The following HERC4 variants were observed in gnomAD, a reference collection of about 807,000 sequenced individuals.
The protein encoded by HERC4 is probable E3 ubiquitin-protein ligase HERC4.
In HERC4, 28 loss-of-function variants were observed where a neutral mutation model predicts 124.3. The ratio of observed to expected loss-of-function variants is 0.23; its 90% CI spans 0.17 to 0.31. The LOEUF (loss-of-function observed/expected upper bound fraction) is 0.31, where lower values mean the gene tolerates loss of function less well. Among genes scored for constraint, HERC4 ranks in the 10% least tolerant of loss-of-function variants. The pLI is 1.00. For missense variants in HERC4, 713 were observed against 1,229.3 expected (o/e 0.58, Z 6.28); for synonymous variants, 407 against 421.5 (o/e 0.97, Z 0.42).
At chr10:68,034,608 G>A (rs1158696750) in intron 5 of HERC4, among the ~76,000 whole-genome samples, 1 of 152,038 alleles carries the variant, frequency 6.6e-6, no homozygotes, top group Non-Finnish European at 1.5e-5. Flanking sequence ...AACCTCTCCT[G>A]AGCAAAAAAC....
intron 9 of HERC4, among the ~76,000 whole-genome samples, chr10:68,006,395 A>T (rs2037563452): frequency 7.0e-6 from 1 of 142,688 alleles, no homozygotes. Context: ...TTTTTTTGAG[A>T]CAGTTTCCTC....
chr10:67,927,393 TA>T (rs1564910238), intron 23 of HERC4, among the ~76,000 whole-genome samples: 403 of 5,834 alleles, frequency 0.069, 40 homozygotes, highest in Non-Finnish European at 0.027. Context: ...TATATATATA[TA>T]TATATATATA....
At chr10:68,053,622 T>C (rs1477440035) in intron 3 of HERC4, among the ~76,000 whole-genome samples, 1 of 151,976 alleles carries the variant, frequency 6.6e-6, no homozygotes. Context: ...AAATCACCAA[T>C]AAGATGGGCA....
At chr10:67,957,936 T>C (rs941830585) in intron 16 of HERC4, among the ~76,000 whole-genome samples, 3 of 152,208 alleles carry the variant, frequency 2.0e-5, no homozygotes, top group Admixed American at 6.5e-5. Context: ...GCCTCCCGAG[T>C]AGCTGGGATT....
chr10:67,961,657 G>A (rs1463346350), intron 16 of HERC4, among the ~76,000 whole-genome samples: 1 of 152,086 alleles, frequency 6.6e-6, no homozygotes, highest in Admixed American at 6.5e-5. Flanking sequence ...CAGAAGTGAG[G>A]GCAGTCTTGT....
chr10:68,024,585 T>C (rs1016282978), intron 8 of HERC4, among the ~76,000 whole-genome samples: 2 of 152,026 alleles, frequency 1.3e-5, no homozygotes, highest in African/African-American at 2.4e-5. Context: ...GAACCATAAC[T>C]ACATAAAAAT....
At chr10:67,985,743 C>T (rs2036224638) in intron 15 of HERC4, among the ~76,000 whole-genome samples, 1 of 152,206 alleles carries the variant, frequency 6.6e-6, no homozygotes, top group African/African-American at 2.4e-5. Context: ...CCATTCCTGA[C>T]AGCAGGTACC....
intron 19 of HERC4, among the ~76,000 whole-genome samples, chr10:67,942,406 G>A (rs954197606): frequency 2.0e-5 from 3 of 152,168 alleles, no homozygotes; most frequent in Non-Finnish European, 4.4e-5. Flanking sequence ...TCCATAGTTT[G>A]AAATATTTCC....
At chr10:67,961,957 A>G (rs1202404416) in intron 16 of HERC4, among the ~76,000 whole-genome samples, 4 of 152,032 alleles carry the variant, frequency 2.6e-5, no homozygotes, top group Non-Finnish European at 4.4e-5. Flanking sequence ...GTTCTGCAAA[A>G]AAACCTTTCA....
intron 3 of HERC4, among the ~76,000 whole-genome samples, chr10:68,055,594 A>G (rs1394148299): frequency 2.0e-5 from 3 of 152,192 alleles, no homozygotes; most frequent in African/African-American, 7.2e-5. Context: ...CACCATGAGG[A>G]AGTTATCCTT....
chr10:68,038,720 A>G (rs956552501), intron 4 of HERC4, among the ~76,000 whole-genome samples: 5 of 152,092 alleles, frequency 3.3e-5, no homozygotes, highest in African/African-American at 1.2e-4. Flanking sequence ...GGGACATTCA[A>G]TTTTTTTACT....
intron 3 of HERC4, among the ~76,000 whole-genome samples, chr10:68,051,057 G>A (rs1339445936): frequency 6.4e-5 from 9 of 141,286 alleles, no homozygotes; most frequent in African/African-American, 2.4e-4. Context: ...GTTAAGGGGG[G>A]ATTAAACCAC....
intron 21 of HERC4, 113 bp from the exon 22 acceptor site, chr10:67,936,348 T>G (rs541920084): frequency 2.2e-5 from 12 of 537,194 alleles, no homozygotes; most frequent in Non-Finnish European, 3.7e-5. Context: ...AAATTTGAGA[T>G]AAAATTCTGC....
At chr10:68,064,368 T>C (rs1362073947) in intron 3 of HERC4, among the ~76,000 whole-genome samples, 1 of 150,722 alleles carries the variant, frequency 6.6e-6, no homozygotes, top group Non-Finnish European at 1.5e-5. Flanking sequence ...AGCCTGGCCA[T>C]CATGGTGAAA....
chr10:68,044,320 G>T (rs2133498471), intron 4 of HERC4, 84 bp downstream of exon 4: 1 of 1,331,590 alleles, frequency 7.5e-7, no homozygotes, highest in South Asian at 1.5e-5. Flanking sequence ...AACTCTTACA[G>T]GCCCAAAGAT....
chr10:67,978,323 G>C (rs929643303), intron 15 of HERC4, among the ~76,000 whole-genome samples: 7 of 152,218 alleles, frequency 4.6e-5, no homozygotes, highest in Admixed American at 1.3e-4. Flanking sequence ...CAGTATTCTG[G>C]CAGTACTCCC....
intron 8 of HERC4, among the ~76,000 whole-genome samples, chr10:68,022,785 G>A (rs2133239950): frequency 6.6e-6 from 1 of 151,940 alleles, no homozygotes; most frequent in African/African-American, 2.4e-5. Flanking sequence ...GCAAATATCT[G>A]ATAAGGGATT....
At chr10:68,009,046 C>T (rs1389256163) in intron 9 of HERC4, among the ~76,000 whole-genome samples, 2 of 152,032 alleles carry the variant, frequency 1.3e-5, no homozygotes, top group African/African-American at 4.8e-5. Context: ...CATGTTGAAA[C>T]CCTGTCTCCA....
At chr10:68,017,780 C>G (rs559025024) in intron 8 of HERC4, among the ~76,000 whole-genome samples, 1 of 152,114 alleles carries the variant, frequency 6.6e-6, no homozygotes, top group East Asian at 1.9e-4. Context: ...TGAGCCACCA[C>G]GCCCGGCCTA....
Sources: gnomAD v4.1 joint callset for allele counts (sites outside exome capture counted in the v4.1 genomes callset) on GRCh38, gnomAD v4.1.1 for gene constraint, MANE v1.5 for transcripts, NCBI Gene and HGNC (gene_info 2026-07-23, HGNC 2026-07-21) for gene names.